The following DAB1 variants were observed in gnomAD, a reference collection of about 807,000 sequenced individuals.
DAB1 encodes disabled homolog 1.
Under a neutral mutation model 64.6 loss-of-function variants are expected in DAB1, and 15 were observed. The ratio of observed to expected loss-of-function variants is 0.23; its 90% CI spans 0.16 to 0.36. The LOEUF is 0.36. Among genes scored for constraint, DAB1 ranks in the 10% least tolerant of loss-of-function variants. DAB1 has a pLI of 1.00. For missense variants in DAB1, 596 were observed against 706.7 expected (o/e 0.84, Z 1.78); for synonymous variants, 235 against 251.9 (o/e 0.93, Z 0.64).
chr1:58,051,266 T>A (rs547598730), intron 5 of DAB1, among the ~76,000 whole-genome samples: 4 of 152,050 alleles, frequency 2.6e-5, no homozygotes, highest in African/African-American at 9.7e-5. Flanking sequence ...ATCTCATTGT[T>A]CAAGTCCCAC....
intron 7 of DAB1, among the ~76,000 whole-genome samples, chr1:57,600,649 C>T (rs986583144): frequency 6.6e-6 from 1 of 152,110 alleles, no homozygotes; most frequent in Non-Finnish European, 1.5e-5. Context: ...TCACTGAAAG[C>T]CAGTGCCTTC....
chr1:58,409,586 T>C (rs955323290), intron 3 of DAB1, among the ~76,000 whole-genome samples: 8 of 152,220 alleles, frequency 5.3e-5, no homozygotes, highest in African/African-American at 1.9e-4. Context: ...TTTCTGCGAA[T>C]AGGGATATTA....
intron 4 of DAB1, among the ~76,000 whole-genome samples, chr1:58,286,096 G>A (rs1318513603): frequency 2.9e-5 from 2 of 68,142 alleles, no homozygotes; most frequent in Non-Finnish European, 3.1e-5. Flanking sequence ...ATGGTGCTGG[G>A]AAAACTGGCT....
chr1:58,472,002 T>C (rs753063117), intron 3 of DAB1, among the ~76,000 whole-genome samples: 47 of 152,240 alleles, frequency 3.1e-4, no homozygotes, highest in South Asian at 4.1e-4. Flanking sequence ...GGATAATATA[T>C]GCAAAGTGTT....
At chr1:57,187,483 T>C (rs1483798495) in intron 2 of DAB1, among the ~76,000 whole-genome samples, 1 of 152,206 alleles carries the variant, frequency 6.6e-6, no homozygotes, top group African/African-American at 2.4e-5. Flanking sequence ...GATGTAAATG[T>C]GCTATGGGCT....
chr1:57,615,354 C>A (rs1157337101), intron 7 of DAB1, among the ~76,000 whole-genome samples: 1 of 152,114 alleles, frequency 6.6e-6, no homozygotes, highest in African/African-American at 2.4e-5. Flanking sequence ...TGCTGTCTTG[C>A]TTTTTCTTCT....
chr1:57,227,141 C>A (rs1351519602), intron 2 of DAB1, among the ~76,000 whole-genome samples: 1 of 152,186 alleles, frequency 6.6e-6, no homozygotes, highest in Non-Finnish European at 1.5e-5. Flanking sequence ...CACCACTGCA[C>A]TCCAGCATGG....
chr1:57,358,300 T>C (rs1465593715), intron 1 of DAB1, among the ~76,000 whole-genome samples: 1 of 152,018 alleles, frequency 6.6e-6, no homozygotes, highest in Non-Finnish European at 1.5e-5. Flanking sequence ...TATATGGCCT[T>C]TATTGTGTTG....
At chr1:58,157,977 C>A (rs1655307918) in intron 4 of DAB1, among the ~76,000 whole-genome samples, 1 of 152,156 alleles carries the variant, frequency 6.6e-6, no homozygotes, top group Admixed American at 6.5e-5. Flanking sequence ...ACAATTACTG[C>A]AAATGCTGAT....
intron 5 of DAB1, among the ~76,000 whole-genome samples, chr1:58,132,109 G>A (rs1653634777): frequency 6.6e-6 from 1 of 152,166 alleles, no homozygotes; most frequent in Admixed American, 6.5e-5. Context: ...CAATCAGCGA[G>A]ACTCCGTGGG....
intron 5 of DAB1, among the ~76,000 whole-genome samples, chr1:58,145,405 G>T (rs1282780408): frequency 6.6e-6 from 1 of 152,146 alleles, no homozygotes; most frequent in African/African-American, 2.4e-5. Context: ...TGTAAAATGG[G>T]AACAATATTA....
intron 1 of DAB1, among the ~76,000 whole-genome samples, chr1:57,372,472 C>A (rs1680576588): frequency 6.6e-6 from 1 of 152,186 alleles, no homozygotes; most frequent in African/African-American, 2.4e-5. Context: ...TTGGAGCCTG[C>A]ATGTTCAGAA....
At chr1:58,437,325 A>G (rs1014241092) in intron 3 of DAB1, among the ~76,000 whole-genome samples, 3 of 152,176 alleles carry the variant, frequency 2.0e-5, no homozygotes, top group Non-Finnish European at 4.4e-5. Context: ...ACATTTTAAG[A>G]AAAACTGCAA....
chr1:57,965,389 G>C (rs1282126022), intron 5 of DAB1, among the ~76,000 whole-genome samples: 3 of 152,148 alleles, frequency 2.0e-5, no homozygotes, highest in Non-Finnish European at 4.4e-5. Context: ...CCACCTCATA[G>C]GGGTATCACT....
chr1:57,344,483 A>G lies in DAB1; in HGVS notation c.-136-53317T>C, dbSNP rs149766319. Among the ~76,000 whole-genome samples the G allele has an allele frequency of 5.4e-3, 817 of 152,194 alleles. 10 individuals carry two copies. Among genetic ancestry groups the G allele is most frequent in the African/African-American group, 0.018 (751 of 41,548 alleles). ...ACTTTCACACTTGGTTTGAATGAGG[A>G]CTGTCAGTGCTTGGGGAATGCTAAA... On this transcript the variant is annotated intron_variant, in intron 1 of 14. Coordinates refer to ENST00000371236, the MANE Select transcript of DAB1 (RefSeq NM_001365792.1).
At position 57,344,900 on chromosome 1, in the gene DAB1, A is replaced by G. The variant is rs1677954407; in HGVS notation, c.-136-53734T>C. On this transcript the variant is annotated intron_variant, in intron 1 of 14. Transcript: ENST00000371236. The stretch of plus-strand genomic sequence containing the variant: ...GCTTTGGGAGGATTTCACAGCATGC[A>G]TGGAATACCTTGGCTTGGTGCCTCC... Among the ~76,000 whole-genome samples, 3 of 152,132 alleles carry G rather than the reference A, an allele frequency of 2.0e-5. 1 individual carries two copies. Among genetic ancestry groups the G allele is most frequent in the Admixed American group, 2.0e-4 (3 of 15,284 alleles).
At chr1:57,109,454 A>G (rs1655460536) in intron 4 of DAB1, among the ~76,000 whole-genome samples, 1 of 152,204 alleles carries the variant, frequency 6.6e-6, no homozygotes, top group South Asian at 2.1e-4. Flanking sequence ...CTCTTCCAGA[A>G]AAGCTGGGCT....
intron 4 of DAB1, among the ~76,000 whole-genome samples, chr1:58,288,563 A>C (rs1270529798): frequency 6.6e-6 from 1 of 152,212 alleles, no homozygotes; most frequent in Non-Finnish European, 1.5e-5. Context: ...TCTCCCAGCC[A>C]TATGTACACA....
intron 5 of DAB1, among the ~76,000 whole-genome samples, chr1:58,106,104 CCTTCCTT>C (rs1570358660): frequency 7.4e-6 from 1 of 134,554 alleles, no homozygotes; most frequent in Admixed American, 7.2e-5. Context: ...TTCCTTCCTT[CCTTCCTT>C]TTCTTTCTTC....
Sources: gnomAD v4.1 joint callset for allele counts (sites outside exome capture counted in the v4.1 genomes callset) on GRCh38, gnomAD v4.1.1 for gene constraint, MANE v1.5 for transcripts, NCBI Gene and HGNC (gene_info 2026-07-23, HGNC 2026-07-21) for gene names.